RBFOX2: variants seen among roughly 807,000 people sequenced by gnomAD.
The protein encoded by RBFOX2 is RNA binding protein fox-1 homolog 2.
RBFOX2 carries 10 observed loss-of-function variants against 49.1 expected under a neutral mutation model. The observed-to-expected ratio is 0.20, with a 90% CI of 0.13 to 0.35. The LOEUF (loss-of-function observed/expected upper bound fraction) is 0.35. RBFOX2 is among the 10% of genes least tolerant of loss of function. RBFOX2 has a pLI of 1.00. For missense variants in RBFOX2, 323 were observed against 486.9 expected, an observed-to-expected ratio of 0.66 and a Z score of 3.17; for synonymous variants, 183 against 187.4, an observed-to-expected ratio of 0.98 and a Z score of 0.19.
intron 1 of RBFOX2, among the ~76,000 whole-genome samples, chr22:35,923,959 T>C (rs1390936366): frequency 6.6e-6 from 1 of 150,608 alleles, no homozygotes; most frequent in Non-Finnish European, 1.5e-5. Context: ...AAAAAAAAAA[T>C]TCAAATAAAA....
rs190125191 is a variant in RBFOX2 at position 35,883,320 on chromosome 22, C to A, written c.-34+55527G>T. 1.1e-3 allele frequency among the ~76,000 whole-genome samples: 161 copies of A among 152,266 alleles called. No homozygotes were observed. The Middle Eastern group carries it at 0.014, about 13-fold the overall frequency. ...TCACCACAATAGACAAAAGCTATAC[C>A]CATAGATCTCTCCAAGAGGAACTCT... On this transcript the variant is annotated intron_variant, in intron 1 of 13. Coordinates refer to the RBFOX2 transcript ENST00000359369.
chr22:35,747,195 A>C (rs1220741258), intron 9 of RBFOX2: 2 of 152,236 alleles, frequency 1.3e-5, no homozygotes, highest in Non-Finnish European at 2.9e-5. Flanking sequence ...TGTGACAGAG[A>C]CCAATGTCCT....
chr22:35,916,430 G>A (rs551545055), intron 1 of RBFOX2, among the ~76,000 whole-genome samples: 1 of 152,228 alleles, frequency 6.6e-6, no homozygotes, highest in East Asian at 1.9e-4. Flanking sequence ...TGCAGGCATG[G>A]GCCACCAAAC....
At chr22:35,936,474 G>A (rs1300778308) in intron 1 of RBFOX2, among the ~76,000 whole-genome samples, 2 of 152,156 alleles carry the variant, frequency 1.3e-5, no homozygotes, top group Non-Finnish European at 2.9e-5. Flanking sequence ...TTAATTAGCA[G>A]TACTCATTTG....
intron 1 of RBFOX2, among the ~76,000 whole-genome samples, chr22:35,955,342 T>C (rs1301267545): frequency 6.6e-6 from 1 of 152,254 alleles, no homozygotes; most frequent in Non-Finnish European, 1.5e-5. Context: ...TGTTAATTCC[T>C]TTAAAAGTAT....
At position 35,759,938 on chromosome 22, in the gene RBFOX2, T is replaced by C. The variant is rs746271959; in HGVS notation, c.837A>G (p.Val279=). ...GAGGTACCGCTCGGACTGCACCATA[T>C]ACTGTCCGCCCTCTGCCCCTCAAAT... Residue 279 remains valine, a synonymous_variant, in exon 9 of 12, where the codon GTA becomes GTG. Transcript: ENST00000405409. This position sits in a 1 kb window ranked among gnomAD's most constrained non-coding sequence, Gnocchi z 4.6. 6.2e-7 allele frequency: 1 copy of C among 1,613,648 alleles called. No homozygotes were observed. The highest frequency in any genetic ancestry group is 1.3e-5 in the African/African-American group (1 of 74,868).
At chr22:36,018,473 A>G (rs1438600824) in intron 1 of RBFOX2, among the ~76,000 whole-genome samples, 1 of 152,248 alleles carries the variant, frequency 6.6e-6, no homozygotes, top group Non-Finnish European at 1.5e-5. Context: ...ACTATAAGCC[A>G]CTGGACATGG....
upstream of RBFOX2, among the ~76,000 whole-genome samples, chr22:35,844,399 C>T (rs561285884): frequency 1.3e-5 from 2 of 152,260 alleles, no homozygotes; most frequent in East Asian, 1.9e-4. Context: ...CACATGGATA[C>T]ATCAGAATGA....
intron 1 of RBFOX2, among the ~76,000 whole-genome samples, chr22:35,838,614 C>T (rs1292863500): frequency 6.6e-6 from 1 of 152,180 alleles, no homozygotes; most frequent in South Asian, 2.1e-4. Context: ...TCTTCTTTTG[C>T]GCTTCAGCCT....
chr22:35,857,805 T>G (rs1336038741), intron 1 of RBFOX2, among the ~76,000 whole-genome samples: 2 of 152,196 alleles, frequency 1.3e-5, no homozygotes, highest in African/African-American at 2.4e-5. Context: ...CCTTGAGGAA[T>G]CCTTGCTTCA....
chr22:36,012,286 G>A (rs1187520992), intron 1 of RBFOX2, among the ~76,000 whole-genome samples: 2 of 152,176 alleles, frequency 1.3e-5, no homozygotes, highest in Admixed American at 6.5e-5. Context: ...TGGATAAAGA[G>A]CCACAAGATC....
chr22:35,798,096 C>T (rs1949104574), intron 2 of RBFOX2, among the ~76,000 whole-genome samples: 1 of 152,206 alleles, frequency 6.6e-6, no homozygotes, highest in Non-Finnish European at 1.5e-5. Flanking sequence ...CTGCCTCAGC[C>T]TCCCAAGTAG....
chr22:35,755,994 A>G, intron 9 of RBFOX2, 111 bp downstream of exon 11: 1 of 636,846 alleles, frequency 1.6e-6, no homozygotes, highest in South Asian at 7.0e-5. Flanking sequence ...AAAAGAAAAT[A>G]AAAATTAAAT....
At chr22:35,942,532 A>T (rs2053805081), upstream of RBFOX2, among the ~76,000 whole-genome samples, 1 of 152,046 alleles carries the variant, frequency 6.6e-6, no homozygotes, top group Non-Finnish European at 1.5e-5. Context: ...TTATTGCAAA[A>T]TTTCAACATC....
intron 1 of RBFOX2, among the ~76,000 whole-genome samples, chr22:35,877,887 G>C (rs2045346755): frequency 6.6e-6 from 1 of 151,922 alleles, no homozygotes; most frequent in African/African-American, 2.4e-5. Flanking sequence ...AAAACCTCTA[G>C]AATTTGACAA....
At chr22:35,911,220 T>A (rs1233589898) in intron 1 of RBFOX2, among the ~76,000 whole-genome samples, 1 of 152,172 alleles carries the variant, frequency 6.6e-6, no homozygotes, top group Admixed American at 6.5e-5. Flanking sequence ...TAAGCTACTA[T>A]GGGTTGGGGG....
intron 1 of RBFOX2, among the ~76,000 whole-genome samples, chr22:35,918,110 C>G (rs1387875400): frequency 6.6e-6 from 1 of 152,142 alleles, no homozygotes; most frequent in East Asian, 1.9e-4. Flanking sequence ...ATGTCCTCTA[C>G]CCAGAGTTCT....
At chr22:35,845,582 CAT>C (rs2041080770), upstream of RBFOX2, among the ~76,000 whole-genome samples, 1 of 152,176 alleles carries the variant, frequency 6.6e-6, no homozygotes, top group Non-Finnish European at 1.5e-5. Flanking sequence ...CAAATTACTA[CAT>C]GTCTTTGGGT....
At chr22:35,948,682 CA>C (rs1301228330) in intron 1 of RBFOX2, among the ~76,000 whole-genome samples, 4 of 151,200 alleles carry the variant, frequency 2.6e-5, no homozygotes, top group Non-Finnish European at 4.4e-5. Flanking sequence ...GAGACTGTCT[CA>C]AAAAAAAATT....
Sources: gnomAD v4.1 joint callset for allele counts (sites outside exome capture counted in the v4.1 genomes callset) on GRCh38, gnomAD v4.1.1 for gene constraint, Gnocchi (gnomAD v3.1) non-coding constraint, MANE v1.5 for transcripts, NCBI Gene and HGNC (gene_info 2026-07-23, HGNC 2026-07-21) for gene names.